ZNF800: variants seen among roughly 807,000 people sequenced by gnomAD.
ZNF800 encodes zinc finger protein 800.
In ZNF800, 13 loss-of-function variants were observed where a neutral mutation model predicts 59.5. The ratio of observed to expected loss-of-function variants is 0.22; its 90% CI spans 0.14 to 0.35. The LOEUF (loss-of-function observed/expected upper bound fraction) is 0.35. ZNF800 is among the 10% of genes least tolerant of loss of function. The probability of loss-of-function intolerance (pLI) is 1.00; values close to 1 mark genes in which losing one functional copy is unlikely to be tolerated. For synonymous variants in ZNF800, 266 were observed against 265.7 expected (o/e 1.00, Z -0.01); for missense variants, 621 against 783.7 (o/e 0.79, Z 2.48).
At chr7:127,365,100 G>C (rs1800477717), downstream of ZNF800, among the ~76,000 whole-genome samples, 1 of 152,064 alleles carries the variant, frequency 6.6e-6, no homozygotes, top group African/African-American at 2.4e-5. Context: ...TAAGTATTAA[G>C]AATTATCAAG....
intron 3 of ZNF800, among the ~76,000 whole-genome samples, chr7:127,378,855 T>C (rs1562906965): frequency 6.6e-6 from 1 of 152,116 alleles, no homozygotes; most frequent in Non-Finnish European, 1.5e-5. Context: ...TATTATCTAC[T>C]TGTGTGACCT....
At chr7:127,387,917 AACACACACACACACACAC>A (rs141731563) in intron 2 of ZNF800, among the ~76,000 whole-genome samples, 2 of 147,730 alleles carry the variant, frequency 1.4e-5, no homozygotes, top group Admixed American at 1.4e-4. Flanking sequence ...ATTAATTAAG[AACACACACACACACACAC>A]ACACACACAC....
Position 127,383,776 on chromosome 7 carries a change from G to T in ZNF800, c.157+2284C>A, listed in dbSNP as rs188206281. Among the ~76,000 whole-genome samples, 653 of 152,194 alleles carry T rather than the reference G, an allele frequency of 4.3e-3. 5 individuals carry two copies. The highest frequency in any genetic ancestry group is 0.015 in the African/African-American group (624 of 41,542). On this transcript the variant is annotated intron_variant, in intron 3 of 5. Transcript: ENST00000265827. ...TAAAATAATTCTTTTTTTAATCCAA[G>T]ATTAGTTTCTTTGTACCACTCAGCA...
chr7:127,342,964 C>A (rs1262573457), downstream of ZNF800, among the ~76,000 whole-genome samples: 1 of 151,974 alleles, frequency 6.6e-6, no homozygotes, highest in Non-Finnish European at 1.5e-5. Context: ...ATAACAAAAA[C>A]CTCACAATAC....
At chr7:127,384,227 CTTTTTTTTTT>C (rs577977623) in intron 3 of ZNF800, among the ~76,000 whole-genome samples, 3 of 63,382 alleles carry the variant, frequency 4.7e-5, no homozygotes, top group East Asian at 7.2e-4. Flanking sequence ...ATTCTAACTT[CTTTTTTTTTT>C]TTTTTTTTTT....
chr7:127,348,519 T>C (rs1423106468), intron 1 of ZNF800, among the ~76,000 whole-genome samples: 1 of 152,048 alleles, frequency 6.6e-6, no homozygotes, highest in African/African-American at 2.4e-5. Flanking sequence ...TAAACTGCTA[T>C]TGAAATAATG....
intron 3 of ZNF800, among the ~76,000 whole-genome samples, chr7:127,378,114 C>G (rs1038008034): frequency 6.6e-6 from 1 of 151,942 alleles, no homozygotes; most frequent in Non-Finnish European, 1.5e-5. Flanking sequence ...CCAAAGCAGC[C>G]AAGAATAAGC....
rs1485990508 is a variant in ZNF800 at position 127,392,193 on chromosome 7, G to A, written c.-192C>T. ...CTCCGCTGACCACGCGGGGGAACCC[G>A]GACTCGGGCCCGACGCGCTCCCAAA... On this transcript the variant is annotated 5_prime_UTR_variant, in exon 1 of 6. Transcript: ENST00000265827. 5.1e-6 allele frequency: 2 copies of A among 394,858 alleles called. No individual in the cohort carries two copies. Among genetic ancestry groups the A allele is most frequent in the Non-Finnish European group, 4.5e-6 (1 of 223,586 alleles). The allele number at this position is 394,858 out of a possible 1,614,324, so 24.5% of individuals were successfully genotyped here.
At chr7:127,363,490 T>C (rs1312849271) in intron 1 of ZNF800, 1 of 151,788 alleles carries the variant, frequency 6.6e-6, no homozygotes, top group Non-Finnish European at 1.5e-5. Flanking sequence ...CCAGGTACTA[T>C]GCTAGATATG....
rs1801132953 is a variant in ZNF800 at position 127,386,129 on chromosome 7, G to A, written c.88C>T (p.Pro30Ser). ...PVYILEPGDP[P>S]LLQQPLQTSK... ...GTCTGTAGTGGTTGCTGTAACAAAG[G>A]AGGATCTCCAGGTTCCAGGATATAA... The change falls in exon 3 of 6, where the codon CCT becomes TCT. Residue 30 changes from proline (P) to serine (S), a missense_variant. Around this residue, in one of 7 missense-constraint regions of ZNF800, gnomAD observed 57 missense variants for 77.1 expected, o/e 0.74. Transcript: ENST00000265827. The A allele has an allele frequency of 1.2e-6, 2 of 1,611,540 alleles. No individual in the cohort carries two copies. Among genetic ancestry groups the A allele is most frequent in the Non-Finnish European group, 1.7e-6 (2 of 1,178,474 alleles).
intron 2 of ZNF800, among the ~76,000 whole-genome samples, chr7:127,389,057 T>C (rs577497121): frequency 6.6e-6 from 1 of 152,154 alleles, no homozygotes; most frequent in African/African-American, 2.4e-5. Flanking sequence ...TCCCAGAATA[T>C]AACATTGACT....
chr7:127,390,703 A>C (rs1194624240), intron 2 of ZNF800, among the ~76,000 whole-genome samples: 3 of 152,202 alleles, frequency 2.0e-5, no homozygotes, highest in Non-Finnish European at 4.4e-5. Flanking sequence ...CCTTTATTTG[A>C]TTTAGTGATG....
rs946202874 is a variant in ZNF800, at chr7:127,392,478, C to T, written c.-477G>A. The T allele has an allele frequency of 2.8e-5, 10 of 361,060 alleles. No homozygotes were observed. The Admixed American group carries it at 4.2e-4, about 15-fold the overall frequency. 22.4% of individuals were successfully genotyped at this position (361,060 alleles called of 1,614,324 possible). ...GCCGCCGCAACCCGGGTCCCACCAG[C>T]GCCGCTCCACCTGCAACGGTCCCTC... On this transcript the variant is annotated 5_prime_UTR_variant, in exon 1 of 6. Transcript: ENST00000265827.
In ZNF800 at chr7:127,392,200, G is replaced by C; in HGVS notation, c.-199C>G. On this transcript the variant is annotated 5_prime_UTR_variant, in exon 1 of 6. Coordinates refer to ENST00000265827, the MANE Select transcript of ZNF800 (RefSeq NM_176814.5). ...GACCACGCGGGGGAACCCGGACTCGGGCCCGACGCGCTCCCAAAGAGTCCC... is the reference window on the plus strand; with the variant it reads ...GACCACGCGGGGGAACCCGGACTCGCGCCCGACGCGCTCCCAAAGAGTCCC... 2.5e-6 allele frequency: 1 copy of C among 394,884 alleles called. No individual in the cohort carries two copies. The highest frequency in any genetic ancestry group is 4.5e-6 in the Non-Finnish European group (1 of 223,518). 24.5% of individuals were successfully genotyped at this position (394,884 alleles called of 1,614,324 possible).
At chr7:127,389,538 C>T (rs559132937) in intron 2 of ZNF800, among the ~76,000 whole-genome samples, 2 of 152,258 alleles carry the variant, frequency 1.3e-5, no homozygotes, top group South Asian at 4.1e-4. Context: ...TAAAAGCTAT[C>T]ACACTACAAC....
At chr7:127,357,521 C>A (rs1391690971) in intron 1 of ZNF800, among the ~76,000 whole-genome samples, 3 of 152,002 alleles carry the variant, frequency 2.0e-5, no homozygotes, top group Non-Finnish European at 4.4e-5. Flanking sequence ...ATTAGGCACA[C>A]AGACATAGTA....
chr7:127,382,020 A>G (rs1800990585), intron 3 of ZNF800, among the ~76,000 whole-genome samples: 1 of 152,160 alleles, frequency 6.6e-6, no homozygotes, highest in African/African-American at 2.4e-5. Flanking sequence ...ATTTTTCATT[A>G]CCATACAATT....
chr7:127,366,501 T>C (rs1305189722), downstream of ZNF800, among the ~76,000 whole-genome samples: 2 of 152,062 alleles, frequency 1.3e-5, no homozygotes, highest in African/African-American at 2.4e-5. Context: ...AAGAAGGAAA[T>C]GTCATCAGGC....
At position 127,391,487 on chromosome 7, in the gene ZNF800, A is replaced by G. The variant is rs1465195706; in HGVS notation, c.61+10T>C. ...GAGGGCAAAGCAACTGCGGACGAAG[A>G]GGGGTCTACCTGGTTCACAGCATCC... is the stretch of plus-strand genomic sequence containing the variant. On this transcript the variant is annotated intron_variant, in intron 2 of 5. Coordinates refer to ENST00000265827, the MANE Select transcript of ZNF800 (RefSeq NM_176814.5). 1 of 1,613,954 alleles carries G rather than the reference A, an allele frequency of 6.2e-7. No individual in the cohort carries two copies. Among genetic ancestry groups the G allele is most frequent in the Non-Finnish European group, 8.5e-7 (1 of 1,179,950 alleles).
Sources: gnomAD v4.1 joint callset for allele counts (sites outside exome capture counted in the v4.1 genomes callset) on GRCh38, gnomAD v4.1.1 for gene constraint, gnomAD v4.1.1 regional missense constraint, MANE v1.5 for transcripts, NCBI Gene and HGNC (gene_info 2026-07-23, HGNC 2026-07-21) for gene names.